PILRB: variants seen among roughly 807,000 people sequenced by gnomAD.
PILRB encodes the protein paired immunoglobin like type 2 receptor beta, also known as paired immunoglobulin-like type 2 receptor beta.
A neutral mutation model predicts 20.5 loss-of-function variants in PILRB; 21 were observed. That is an observed-to-expected ratio of 1.02 (90% CI 0.72 to 1.47). The LOEUF (loss-of-function observed/expected upper bound fraction) is 1.47, where lower values mean the gene tolerates loss of function less well. Ranked by LOEUF, PILRB falls within the 40% of genes most tolerant of loss-of-function variation. The probability of loss-of-function intolerance (pLI) is 0.00; values close to 1 mark genes in which losing one functional copy is unlikely to be tolerated. For synonymous variants in PILRB, 133 were observed against 115.1 expected, an observed-to-expected ratio of 1.16 and a Z score of -0.99; for missense variants, 253 against 272.1, an observed-to-expected ratio of 0.93 and a Z score of 0.49.
intron 3 of PILRB, among the ~76,000 whole-genome samples, chr7:100,362,877 C>T (rs1194486585): frequency 6.6e-6 from 1 of 152,004 alleles, no homozygotes; most frequent in African/African-American, 2.4e-5. Flanking sequence ...AAAATAAAGG[C>T]CAGTCATGCA....
At position 100,367,731 on chromosome 7, in the gene PILRB, A is replaced by ACCGAGATC; in HGVS notation, c.*354_*355insCCGAGATC. ...AAAAATACAATTTATTTTGCTTACC[A>ACCGAGATC]TACACCCCTTTTCTCCTCGTCCACA... On this transcript the variant is annotated 3_prime_UTR_variant, in exon 4 of 4. Coordinates refer to ENST00000609309, the MANE Select transcript of PILRB (RefSeq NM_178238.4). The ACCGAGATC allele has an allele frequency of 3.9e-6, 1 of 258,226 alleles. No individual in the cohort carries two copies. The highest frequency in any genetic ancestry group is 7.5e-6 in the Non-Finnish European group (1 of 133,902). The allele number at this position is 258,226 out of a possible 1,614,324, so 16.0% of individuals were successfully genotyped here. A position where few individuals can be genotyped will look rare whatever the true frequency, so the allele number is the denominator to read the frequency against.
At chr7:100,364,968 T>C (rs928675378) in intron 3 of PILRB, among the ~76,000 whole-genome samples, 1 of 151,964 alleles carries the variant, frequency 6.6e-6, no homozygotes, top group African/African-American at 2.4e-5. Context: ...AAAAAAAAAG[T>C]TCTGAAAAAA....
Position 100,358,119 on chromosome 7 carries a change from AG to A in PILRB, c.-182del, listed in dbSNP as rs1790412297. On this transcript the variant is annotated 5_prime_UTR_variant, in exon 1 of 4. Transcript: ENST00000609309. ...TTGCAATAAGAAGCCAGATGGATAA[AG>A]GAAGTGCTGGTCACCCTGGAGGTGT... 3.2e-6 allele frequency: 2 copies of A among 631,952 alleles called. No individual in the cohort carries two copies. Among genetic ancestry groups the A allele is most frequent in the Admixed American group, 2.7e-5 (1 of 36,728 alleles). The allele number at this position is 631,952 out of a possible 1,614,324, so 39.1% of individuals were successfully genotyped here.
At chr7:100,366,067 C>T (rs1790675792) in intron 3 of PILRB, among the ~76,000 whole-genome samples, 1 of 151,166 alleles carries the variant, frequency 6.6e-6, no homozygotes, top group Non-Finnish European at 1.5e-5. Context: ...AATTCTTCTG[C>T]ATCAGCCTCC....
Position 100,359,380 on chromosome 7 carries a change from C to T in PILRB, c.498C>T (p.Thr166=), listed in dbSNP as rs777187942. ...CCTGGAGGCCCAGCAGCACAACCAC[C>T]ATAGCCGGCCTCAGGGTCACAGAAA... ...TTTWRPSSTT[T]IAGLRVTESK... Residue 166 remains threonine, a synonymous_variant, in exon 3 of 4, where the codon ACC becomes ACT. Coordinates refer to ENST00000609309, the MANE Select transcript of PILRB (RefSeq NM_178238.4). 1.2e-6 allele frequency: 2 copies of T among 1,614,092 alleles called. No individual in the cohort carries two copies. Among genetic ancestry groups the T allele is most frequent in the South Asian group, 2.2e-5 (2 of 91,086 alleles).
At chr7:100,364,657 A>G (rs1288311370) in intron 3 of PILRB, among the ~76,000 whole-genome samples, 2 of 152,228 alleles carry the variant, frequency 1.3e-5, no homozygotes, top group Non-Finnish European at 2.9e-5. Flanking sequence ...CCTCCACAAT[A>G]TTAAAAGTAG....
In PILRB at chr7:100,367,731, A is replaced by C. The variant is rs2130132954; in HGVS notation, c.*354A>C. The stretch of plus-strand genomic sequence containing the variant: ...AAAAATACAATTTATTTTGCTTACC[A>C]TACACCCCTTTTCTCCTCGTCCACA... On this transcript the variant is annotated 3_prime_UTR_variant, in exon 4 of 4. Transcript: ENST00000609309. 7.7e-6 allele frequency: 2 copies of C among 258,226 alleles called. No individual in the cohort carries two copies. Among genetic ancestry groups the C allele is most frequent in the East Asian group, 1.6e-4 (2 of 12,636 alleles). 16.0% of individuals were successfully genotyped at this position (258,226 alleles called of 1,614,324 possible).
chr7:100,360,751 T>G (rs548646298), intron 3 of PILRB, among the ~76,000 whole-genome samples: 1 of 151,838 alleles, frequency 6.6e-6, no homozygotes, highest in African/African-American at 2.4e-5. Context: ...TAGAAAAGAT[T>G]AAGTAATAAA....
chr7:100,364,673 C>T (rs1790624532), intron 3 of PILRB, among the ~76,000 whole-genome samples: 1 of 152,196 alleles, frequency 6.6e-6, no homozygotes, highest in Admixed American at 6.5e-5. Context: ...AGTAGAACTA[C>T]CATATGATCC....
At position 100,364,955 on chromosome 7, in the gene PILRB, TA is replaced by T. The variant is rs772197270; in HGVS notation, c.656-2383del. 8.6e-4 allele frequency among the ~76,000 whole-genome samples: 127 copies of T among 147,058 alleles called. 2 individuals carry two copies. Among genetic ancestry groups the T allele is most frequent in the East Asian group, 6.3e-3 (32 of 5,108 alleles). On this transcript the variant is annotated intron_variant, in intron 3 of 3. Coordinates refer to ENST00000609309, the MANE Select transcript of PILRB (RefSeq NM_178238.4). Reference sequence around the variant, plus strand: ...GGTGACAGTATAAGATCCTGTCTATTAAAAAAAAAAAGTTCTGAAAAAAATA... The same window carrying T: ...GGTGACAGTATAAGATCCTGTCTATTAAAAAAAAAAGTTCTGAAAAAAATA...
intron 3 of PILRB, among the ~76,000 whole-genome samples, chr7:100,366,372 G>A (rs1056040064): frequency 6.6e-6 from 1 of 152,132 alleles, no homozygotes; most frequent in Non-Finnish European, 1.5e-5. Flanking sequence ...GGAAGGGGAG[G>A]TCCCTGGAGT....
In PILRB at chr7:100,358,228, C is replaced by A. The variant is rs1382520510; in HGVS notation, c.-75C>A. 6.4e-7 allele frequency: 1 copy of A among 1,570,918 alleles called. No individual in the cohort carries two copies. The highest frequency in any genetic ancestry group is 8.7e-7 in the Non-Finnish European group (1 of 1,147,750). ...CTCCCCACTCACCTCAGCCCTCAGGCAGCCCCTCCACAGGGCCCCTCTCCT... is the reference window on the plus strand; with the variant it reads ...CTCCCCACTCACCTCAGCCCTCAGGAAGCCCCTCCACAGGGCCCCTCTCCT... On this transcript the variant is annotated 5_prime_UTR_variant, in exon 1 of 4. Coordinates refer to ENST00000609309, the MANE Select transcript of PILRB (RefSeq NM_178238.4).
intron 3 of PILRB, among the ~76,000 whole-genome samples, chr7:100,366,141 A>T (rs1790677651): frequency 6.6e-6 from 1 of 151,904 alleles, no homozygotes; most frequent in African/African-American, 2.4e-5. Context: ...TTTAGTAGAG[A>T]CAGGTTTTCA....
intron 3 of PILRB, among the ~76,000 whole-genome samples, chr7:100,361,545 T>C (rs1790527928): frequency 6.6e-6 from 1 of 151,918 alleles, no homozygotes. Context: ...CACAAAAAAT[T>C]AGCCAGGCAT....
intron 1 of PILRB, 24 bp from the exon 2 acceptor site, chr7:100,358,666 C>CCACT (rs778793785): frequency 6.2e-7 from 1 of 1,609,712 alleles, no homozygotes; most frequent in African/African-American, 1.3e-5. Context: ...GGTCTCTCCC[C>CCACT]CACTCACTCC....
At chr7:100,362,565 GT>G (rs982269197) in intron 3 of PILRB, among the ~76,000 whole-genome samples, 1 of 151,466 alleles carries the variant, frequency 6.6e-6, no homozygotes, top group African/African-American at 2.4e-5. Context: ...CTGGAGTGCA[GT>G]GGTGCCATCT....
chr7:100,361,281 G>C (rs763959211), intron 3 of PILRB, among the ~76,000 whole-genome samples: 1 of 152,196 alleles, frequency 6.6e-6, no homozygotes, highest in South Asian at 2.1e-4. Flanking sequence ...CATCTCAGCA[G>C]AGTTGTCCAT....
intron 3 of PILRB, 133 bp from the exon 4 acceptor site, chr7:100,367,216 C>CTT: frequency 1.2e-6 from 1 of 842,516 alleles, no homozygotes; most frequent in Non-Finnish European, 2.1e-6. Flanking sequence ...CTAAGAACCC[C>CTT]ACAAGCCCAG....
Position 100,367,429 on chromosome 7 carries a change from T to G in PILRB, c.*52T>G. On this transcript the variant is annotated 3_prime_UTR_variant, in exon 4 of 4. Transcript: ENST00000609309. ...TGTATTAGCCCCGGAGGACGTGATG[T>G]GAGACCCGCTTGTGAGTCCTCCACA... The G allele has an allele frequency of 1.3e-6, 1 of 779,280 alleles. No individual in the cohort carries two copies. Among genetic ancestry groups the G allele is most frequent in the East Asian group, 2.4e-5 (1 of 41,168 alleles). The allele number at this position is 779,280 out of a possible 1,614,324, so 48.3% of individuals were successfully genotyped here. A position where few individuals can be genotyped will look rare whatever the true frequency, so the allele number is the denominator to read the frequency against.
Sources: gnomAD v4.1 joint callset for allele counts (sites outside exome capture counted in the v4.1 genomes callset) on GRCh38, gnomAD v4.1.1 for gene constraint, MANE v1.5 for transcripts, NCBI Gene and HGNC (gene_info 2026-07-23, HGNC 2026-07-21) for gene names.